PLEKHG1: variants seen among roughly 807,000 people sequenced by gnomAD.
The protein encoded by PLEKHG1 is pleckstrin homology and RhoGEF domain containing G1.
A neutral mutation model predicts 100.8 loss-of-function variants in PLEKHG1; 44 were observed. The observed-to-expected ratio is 0.44, with a 90% CI of 0.34 to 0.56. PLEKHG1 has a LOEUF of 0.56. Among genes scored for constraint, PLEKHG1 ranks in the 20% least tolerant of loss-of-function variants. PLEKHG1 has a pLI of 0.01. For missense variants in PLEKHG1, 1,545 were observed against 1,720.9 expected, an observed-to-expected ratio of 0.90 and a Z score of 1.81; for synonymous variants, 640 against 662.5, an observed-to-expected ratio of 0.97 and a Z score of 0.52.
intron 3 of PLEKHG1, among the ~76,000 whole-genome samples, chr6:150,706,133 C>G (rs1357060785): frequency 6.6e-6 from 1 of 152,130 alleles, no homozygotes; most frequent in Admixed American, 6.5e-5. Flanking sequence ...GGATGTGATA[C>G]GTAAATGTTG....
At chr6:150,739,405 T>C (rs1294486348) in intron 2 of PLEKHG1, among the ~76,000 whole-genome samples, 3 of 152,234 alleles carry the variant, frequency 2.0e-5, no homozygotes, top group African/African-American at 7.2e-5. Flanking sequence ...CAGTGGCTCA[T>C]GCCTGTAATC....
At chr6:150,687,542 G>A (rs1239312444) in intron 3 of PLEKHG1, among the ~76,000 whole-genome samples, 1 of 152,116 alleles carries the variant, frequency 6.6e-6, no homozygotes, top group Non-Finnish European at 1.5e-5. Flanking sequence ...ATTTTCATTA[G>A]AATGAAATAC....
intron 1 of PLEKHG1, among the ~76,000 whole-genome samples, chr6:150,614,506 TG>T (rs200250029): frequency 0.079 from 12,080 of 152,200 alleles, 546 homozygotes; most frequent in Non-Finnish European, 0.1. Context: ...TGGACAGTGG[TG>T]GTCTTTCCAC....
At chr6:150,816,326 CTTTTTTTTTTTTTTTTTTTTT>C (rs1173343082) in intron 10 of PLEKHG1, among the ~76,000 whole-genome samples, 1 of 41,106 alleles carries the variant, frequency 2.4e-5, no homozygotes, top group South Asian at 1.7e-3. Flanking sequence ...CTCAAACATA[CTTTTTTTTTTTTTTTTTTTTT>C]TTTTTTTTTT....
rs982469297 is a variant in PLEKHG1 at position 150,694,971 on chromosome 6, C to T, written c.-98-38613C>T. On this transcript the variant is annotated intron_variant, in intron 3 of 3. Transcript: ENST00000367326. The stretch of plus-strand genomic sequence containing the variant: ...AACATTCCCCCTGGAAAACTAGAAT[C>T]AATGGTATTTTATTATTCCTACATT... Among the ~76,000 whole-genome samples the T allele has an allele frequency of 3.9e-5, 6 of 152,114 alleles. No homozygotes were observed. The South Asian group carries it at 1.2e-3, about 31-fold the overall frequency.
At chr6:150,840,641 A>G (rs747823605) in exon 16 of PLEKHG1, 3 of 1,614,232 alleles carry the variant, frequency 1.9e-6, no homozygotes, top group Non-Finnish European at 2.5e-6. Flanking sequence ...GTAGAAGGAA[A>G]TCTGACTCAA....
chr6:150,644,046 T>C (rs951850471), intron 2 of PLEKHG1, among the ~76,000 whole-genome samples: 3 of 152,224 alleles, frequency 2.0e-5, no homozygotes, highest in African/African-American at 7.2e-5. Flanking sequence ...TACATAATCG[T>C]AAATATTTGT....
intron 3 of PLEKHG1, among the ~76,000 whole-genome samples, chr6:150,701,551 C>T (rs534017214): frequency 7.6e-4 from 108 of 142,768 alleles, no homozygotes; most frequent in Non-Finnish European, 1.3e-3. Context: ...GTGTGCTGCA[C>T]CCATTAACTC....
intron 6 of PLEKHG1, among the ~76,000 whole-genome samples, chr6:150,801,118 G>A (rs1786674399): frequency 2.0e-5 from 3 of 152,262 alleles, no homozygotes; most frequent in East Asian, 1.9e-4. Context: ...GGAGTGCCTC[G>A]CCCTGTGCAC....
intron 3 of PLEKHG1, among the ~76,000 whole-genome samples, chr6:150,716,074 C>T (rs1021050278): frequency 6.8e-6 from 1 of 146,370 alleles, no homozygotes; most frequent in Non-Finnish European, 1.5e-5. Context: ...CGCCACTGCA[C>T]TCCAGCCTGG....
chr6:150,610,218 C>T (rs900168646), intron 1 of PLEKHG1, among the ~76,000 whole-genome samples: 4 of 152,220 alleles, frequency 2.6e-5, no homozygotes, highest in Non-Finnish European at 4.4e-5. Context: ...TTTCCTGCCT[C>T]AGCCTCCCGA....
chr6:150,809,021 C>G (rs754522509), intron 7 of PLEKHG1, 84 bp from the exon 9 acceptor site: 5 of 1,193,582 alleles, frequency 4.2e-6, no homozygotes, highest in Non-Finnish European at 6.0e-6. Context: ...TGGCACCATT[C>G]TTGAGGCTCA....
intron 1 of PLEKHG1, among the ~76,000 whole-genome samples, chr6:150,603,906 T>A (rs1334134094): frequency 2.6e-5 from 4 of 151,620 alleles, no homozygotes; most frequent in Admixed American, 1.3e-4. Flanking sequence ...CTAAGTTTTT[T>A]AAAAATTCCA....
At chr6:150,676,082 G>C (rs1779749206) in intron 3 of PLEKHG1, among the ~76,000 whole-genome samples, 2 of 152,118 alleles carry the variant, frequency 1.3e-5, no homozygotes, top group Admixed American at 1.3e-4. Context: ...CTGTAAAGAA[G>C]AAAATTTTTT....
intron 3 of PLEKHG1, among the ~76,000 whole-genome samples, chr6:150,712,179 G>A (rs73780088): frequency 1.7e-3 from 261 of 152,274 alleles, no homozygotes; most frequent in African/African-American, 5.8e-3. Flanking sequence ...TTAAGGGAGC[G>A]CAAGAAAGGC....
chr6:150,680,272 G>T (rs1008437878), intron 3 of PLEKHG1, among the ~76,000 whole-genome samples: 1 of 152,162 alleles, frequency 6.6e-6, no homozygotes, highest in Non-Finnish European at 1.5e-5. Context: ...TAAAGAAATT[G>T]ACTAGAGGTG....
intron 3 of PLEKHG1, among the ~76,000 whole-genome samples, chr6:150,679,582 T>C (rs375986285): frequency 6.6e-6 from 1 of 152,334 alleles, no homozygotes; most frequent in East Asian, 1.9e-4. Context: ...GATAGAAATA[T>C]CACCCACACT....
intron 10 of PLEKHG1, among the ~76,000 whole-genome samples, chr6:150,810,923 GA>G (rs112242664): frequency 9.8e-4 from 138 of 140,924 alleles, no homozygotes; most frequent in South Asian, 1.3e-3. Context: ...CCTGTCTCAA[GA>G]AAAAAAAAAA....
chr6:150,821,134 G>A (rs1776270992), intron 12 of PLEKHG1, 61 bp from the exon 14 acceptor site: 1 of 1,335,450 alleles, frequency 7.5e-7, no homozygotes, highest in Non-Finnish European at 1.1e-6. Flanking sequence ...CTCTTATAAA[G>A]AATAAAGAAA....
Sources: allele counts gnomAD v4.1 joint callset (sites outside exome capture counted in the v4.1 genomes callset), GRCh38; gene constraint gnomAD v4.1.1; transcripts MANE v1.5; gene names NCBI Gene and HGNC (gene_info 2026-07-23, HGNC 2026-07-21).